The following SDK1 variants were observed in gnomAD, a reference collection of about 807,000 sequenced individuals.
SDK1 encodes the protein protein sidekick-1.
Under a neutral mutation model 245.5 loss-of-function variants are expected in SDK1, and 157 were observed. That is an observed-to-expected ratio of 0.64 (90% CI 0.56 to 0.73). The LOEUF (loss-of-function observed/expected upper bound fraction) is 0.73. Among genes scored for constraint, SDK1 ranks in the 30% least tolerant of loss-of-function variants. The probability of loss-of-function intolerance (pLI) is 0.00; values close to 1 mark genes in which losing one functional copy is unlikely to be tolerated. For missense variants in SDK1, 3,583 were observed against 3,002.3 expected, an observed-to-expected ratio of 1.19 and a Z score of -4.52; for synonymous variants, 1,647 against 1,278.5, an observed-to-expected ratio of 1.29 and a Z score of -6.15.
At chr7:3,691,394 G>A (rs559971801) in intron 4 of SDK1, among the ~76,000 whole-genome samples, 1 of 152,290 alleles carries the variant, frequency 6.6e-6, no homozygotes, top group African/African-American at 2.4e-5. Flanking sequence ...CACTTCAGCT[G>A]TGGAAATACA....
At chr7:3,737,576 T>C (rs936475073) in intron 4 of SDK1, among the ~76,000 whole-genome samples, 1 of 152,236 alleles carries the variant, frequency 6.6e-6, no homozygotes, top group Non-Finnish European at 1.5e-5. Context: ...GGTTCAGCTC[T>C]GTGGGTGCAG....
chr7:3,940,771 A>T (rs406889), intron 5 of SDK1, among the ~76,000 whole-genome samples: 2 of 151,946 alleles, frequency 1.3e-5, no homozygotes, highest in East Asian at 1.9e-4. Context: ...CAGTGAGCCG[A>T]GATCATGCCG....
chr7:3,464,330 C>T (rs905352902), intron 1 of SDK1, among the ~76,000 whole-genome samples: 1 of 152,200 alleles, frequency 6.6e-6, no homozygotes, highest in East Asian at 1.9e-4. Flanking sequence ...TCTAGGCCAG[C>T]CTGAGTAACA....
At chr7:3,831,372 A>G (rs1031851747) in intron 5 of SDK1, among the ~76,000 whole-genome samples, 4 of 152,088 alleles carry the variant, frequency 2.6e-5, no homozygotes, top group Admixed American at 2.6e-4. Flanking sequence ...TCCTTTTACG[A>G]ATGAGTTCAG....
intron 19 of SDK1, among the ~76,000 whole-genome samples, chr7:4,065,707 T>G (rs1468195538): frequency 9.8e-5 from 8 of 81,874 alleles, no homozygotes; most frequent in Non-Finnish European, 1.5e-4. Context: ...TTTTTTTTTT[T>G]TTTTTTTTTT....
chr7:4,255,434 C>G (rs1452941893), intron 44 of SDK1, among the ~76,000 whole-genome samples: 1 of 152,190 alleles, frequency 6.6e-6, no homozygotes, highest in Non-Finnish European at 1.5e-5. Context: ...AAGTGGGGCA[C>G]TGGGTTGAGA....
intron 1 of SDK1, among the ~76,000 whole-genome samples, chr7:3,403,130 C>T (rs1269680952): frequency 3.9e-5 from 6 of 152,076 alleles, no homozygotes; most frequent in Non-Finnish European, 7.4e-5. Flanking sequence ...AACAGGGTTT[C>T]TCCGTGTTGA....
intron 5 of SDK1, among the ~76,000 whole-genome samples, chr7:3,878,511 T>C (rs1781126741): frequency 6.6e-6 from 1 of 152,208 alleles, no homozygotes; most frequent in African/African-American, 2.4e-5. Flanking sequence ...AGCAAGACTC[T>C]GTCTCAAAAA....
At chr7:3,499,811 C>T (rs1336116100) in intron 1 of SDK1, among the ~76,000 whole-genome samples, 3 of 152,170 alleles carry the variant, frequency 2.0e-5, no homozygotes, top group Non-Finnish European at 4.4e-5. Flanking sequence ...CTGGGAAACA[C>T]AGGGCTTAGC....
chr7:3,811,026 G>A (rs376394268), intron 4 of SDK1, among the ~76,000 whole-genome samples: 8 of 152,110 alleles, frequency 5.3e-5, no homozygotes, highest in African/African-American at 1.9e-4. Flanking sequence ...TTGATATTTA[G>A]CCCCTAGAAG....
At chr7:3,442,058 C>T (rs895599556) in intron 1 of SDK1, among the ~76,000 whole-genome samples, 2 of 152,152 alleles carry the variant, frequency 1.3e-5, no homozygotes, top group Admixed American at 6.5e-5. Flanking sequence ...ACCTAGCCTG[C>T]TGGTACCTGC....
At chr7:3,320,805 G>C (rs948790390) in intron 1 of SDK1, among the ~76,000 whole-genome samples, 1 of 152,008 alleles carries the variant, frequency 6.6e-6, no homozygotes, top group Non-Finnish European at 1.5e-5. Flanking sequence ...ATAATATAGT[G>C]ATAAGCTTGA....
intron 1 of SDK1, among the ~76,000 whole-genome samples, chr7:3,585,364 G>A (rs1397917970): frequency 6.6e-6 from 1 of 152,212 alleles, no homozygotes; most frequent in African/African-American, 2.4e-5. Context: ...TAAAGCTAGA[G>A]TAATGGATTT....
At chr7:3,556,641 T>A (rs1779595355) in intron 1 of SDK1, among the ~76,000 whole-genome samples, 1 of 151,818 alleles carries the variant, frequency 6.6e-6, no homozygotes, top group South Asian at 2.1e-4. Flanking sequence ...GCGAACCTGG[T>A]GAAACCTCGT....
intron 1 of SDK1, among the ~76,000 whole-genome samples, chr7:3,403,844 T>TA (rs1191163452): frequency 1.1e-5 from 1 of 93,468 alleles, no homozygotes; most frequent in African/African-American, 6.6e-5. Flanking sequence ...TATATATATA[T>TA]ATATATATAT....
rs1782024213 is a variant in SDK1 at position 4,174,140 on chromosome 7, A to C, written c.4801-82A>C. The C allele has an allele frequency of 1.7e-5, 25 of 1,491,406 alleles. 2 individuals are homozygous for C. In the East Asian group the frequency reaches 5.2e-4, roughly 31 times the overall value. 92.4% of individuals were successfully genotyped at this position (1,491,406 alleles called of 1,614,324 possible). Reference sequence around the variant, plus strand: ...TTTCTTCTGTGCAGCTGGCTAGTTAAACAGGGGTGGAGGTGAGCCCTGCTG... The same window carrying C: ...TTTCTTCTGTGCAGCTGGCTAGTTACACAGGGGTGGAGGTGAGCCCTGCTG... On this transcript the variant is annotated intron_variant, in intron 32 of 44. Transcript: ENST00000404826.
At chr7:3,848,564 C>G (rs545989808) in intron 5 of SDK1, among the ~76,000 whole-genome samples, 1 of 152,290 alleles carries the variant, frequency 6.6e-6, no homozygotes, top group African/African-American at 2.4e-5. Flanking sequence ...TCCCTTAAAA[C>G]TGCCTGTGTT....
At chr7:3,716,583 G>C (rs1379116250) in intron 4 of SDK1, among the ~76,000 whole-genome samples, 1 of 151,908 alleles carries the variant, frequency 6.6e-6, no homozygotes, top group African/African-American at 2.4e-5. Flanking sequence ...AAGGTAGTGA[G>C]ACCCCATTGC....
chr7:4,132,178 G>C (rs1166865023), intron 27 of SDK1, 147 bp from the exon 28 acceptor site: 1 of 593,822 alleles, frequency 1.7e-6, no homozygotes, highest in Non-Finnish European at 3.0e-6. Context: ...AAAGTCATCA[G>C]TCCAAAACTT....
Sources: allele counts gnomAD v4.1 joint callset (sites outside exome capture counted in the v4.1 genomes callset), GRCh38; gene constraint gnomAD v4.1.1; transcripts MANE v1.5; gene names NCBI Gene and HGNC (gene_info 2026-07-23, HGNC 2026-07-21).